RBFOX1: variants seen among roughly 807,000 people sequenced by gnomAD.
RBFOX1 encodes the protein RNA binding protein fox-1 homolog 1.
A neutral mutation model predicts 57.7 loss-of-function variants in RBFOX1; 8 were observed. The ratio of observed to expected loss-of-function variants is 0.14; its 90% CI spans 0.08 to 0.25. The LOEUF (loss-of-function observed/expected upper bound fraction) is 0.25. Ranked by LOEUF, RBFOX1 falls within the 10% of genes least tolerant of loss-of-function variation. The pLI, the probability that RBFOX1 is intolerant of heterozygous loss-of-function variation, is 1.00. For synonymous variants in RBFOX1, 326 were observed against 222.4 expected (o/e 1.47, Z -4.15); for missense variants, 611 against 548.5 (o/e 1.11, Z -1.14).
intron 2 of RBFOX1, among the ~76,000 whole-genome samples, chr16:6,348,265 CA>C (rs2085708313): frequency 6.6e-6 from 1 of 152,092 alleles, no homozygotes; most frequent in African/African-American, 2.4e-5. Flanking sequence ...TAAACTCAGG[CA>C]AATCATTTAG....
chr16:6,102,718 C>G (rs955353529), intron 1 of RBFOX1, among the ~76,000 whole-genome samples: 7 of 152,306 alleles, frequency 4.6e-5, no homozygotes, highest in African/African-American at 1.7e-4. Context: ...GCCTCGATTT[C>G]CAAGTGTGTT....
At chr16:7,060,619 A>C (rs1046679052) in intron 4 of RBFOX1, among the ~76,000 whole-genome samples, 1 of 152,212 alleles carries the variant, frequency 6.6e-6, no homozygotes, top group Admixed American at 6.5e-5. Flanking sequence ...TTCCAACCCT[A>C]ATGACTCAGA....
intron 3 of RBFOX1, among the ~76,000 whole-genome samples, chr16:6,665,234 A>G (rs888907815): frequency 2.0e-5 from 3 of 152,108 alleles, no homozygotes; most frequent in Admixed American, 6.5e-5. Flanking sequence ...ACTTAGCTAT[A>G]AAGGGCGATG....
At chr16:7,310,067 T>C (rs1356041096) in intron 4 of RBFOX1, among the ~76,000 whole-genome samples, 4 of 152,206 alleles carry the variant, frequency 2.6e-5, no homozygotes, top group East Asian at 3.9e-4. Flanking sequence ...CCCAGCCCTA[T>C]TGAGGGCGGC....
chr16:5,485,345 C>CAAAAAAAAAAAA (rs71142624), intron 2 of RBFOX1, among the ~76,000 whole-genome samples: 895 of 51,530 alleles, frequency 0.017, 116 homozygotes, highest in East Asian at 0.04. Context: ...GACTCCGTGT[C>CAAAAAAAAAAAA]AAAAAAAAAA....
At chr16:7,016,416 C>T (rs1019900347) in intron 3 of RBFOX1, among the ~76,000 whole-genome samples, 1 of 152,164 alleles carries the variant, frequency 6.6e-6, no homozygotes, top group Non-Finnish European at 1.5e-5. Context: ...AACTTAAATT[C>T]TGCAGACTGG....
intron 4 of RBFOX1, among the ~76,000 whole-genome samples, chr16:5,929,186 T>G (rs1293684602): frequency 6.6e-6 from 1 of 152,122 alleles, no homozygotes; most frequent in Non-Finnish European, 1.5e-5. Context: ...GGGCATTACC[T>G]CCTGGTGGGC....
At chr16:6,573,151 C>A (rs957565557) in intron 2 of RBFOX1, among the ~76,000 whole-genome samples, 1 of 152,114 alleles carries the variant, frequency 6.6e-6, no homozygotes, top group African/African-American at 2.4e-5. Flanking sequence ...CAGGGTTTCA[C>A]CACTACCAGA....
At chr16:6,821,076 C>G (rs549289778) in intron 3 of RBFOX1, among the ~76,000 whole-genome samples, 30 of 152,164 alleles carry the variant, frequency 2.0e-4, no homozygotes, top group Non-Finnish European at 3.2e-4. Context: ...AGAAACACAT[C>G]TCAGAAATGT....
At chr16:6,930,617 C>A (rs1411118479) in intron 3 of RBFOX1, among the ~76,000 whole-genome samples, 1 of 152,096 alleles carries the variant, frequency 6.6e-6, no homozygotes, top group African/African-American at 2.4e-5. Context: ...ACCATGTTGG[C>A]CAGGCTGGTC....
intron 3 of RBFOX1, among the ~76,000 whole-genome samples, chr16:6,935,040 A>G (rs1051639414): frequency 2.0e-5 from 3 of 152,070 alleles, no homozygotes; most frequent in African/African-American, 7.2e-5. Context: ...GCAGTGAGAC[A>G]AGATCGTTCC....
chr16:5,922,319 G>A (rs1188862012), intron 4 of RBFOX1, among the ~76,000 whole-genome samples: 8 of 152,212 alleles, frequency 5.3e-5, no homozygotes, highest in Non-Finnish European at 1.2e-4. Context: ...TGACTTGAGA[G>A]CTGAGATGTA....
chr16:5,881,899 T>C (rs576243072), intron 4 of RBFOX1, among the ~76,000 whole-genome samples: 10 of 152,312 alleles, frequency 6.6e-5, no homozygotes, highest in African/African-American at 2.4e-4. Flanking sequence ...GGTACTAAAA[T>C]AATAATAATT....
At chr16:7,075,183 A>C (rs551515613) in intron 4 of RBFOX1, among the ~76,000 whole-genome samples, 26 of 152,348 alleles carry the variant, frequency 1.7e-4, no homozygotes, top group African/African-American at 6.3e-4. Flanking sequence ...GCATAGGTAC[A>C]GACTGCAGTG....
intron 3 of RBFOX1, among the ~76,000 whole-genome samples, chr16:5,752,457 A>T (rs560336868): frequency 5.3e-5 from 8 of 152,328 alleles, no homozygotes; most frequent in African/African-American, 1.9e-4. Context: ...AACATTCACT[A>T]TTGAAACAAT....
rs145830720 is a variant in RBFOX1, at chr16:5,717,763, G to T, written c.318+118802G>T. ...CTACCAATAACAATAATTCTTGTTT[G>T]CAAGAAGATTTGGTACTATTCGGAG... On this transcript the variant is annotated intron_variant, in intron 3 of 19. Coordinates refer to the RBFOX1 transcript ENST00000641259. 4.3e-3 allele frequency among the ~76,000 whole-genome samples: 658 copies of T among 152,328 alleles called. 7 individuals are homozygous for T. The highest frequency in any genetic ancestry group is 0.014 in the African/African-American group (600 of 41,584).
intron 11 of RBFOX1, among the ~76,000 whole-genome samples, chr16:7,639,348 T>C (rs1031683858): frequency 5.9e-5 from 9 of 152,212 alleles, no homozygotes; most frequent in Admixed American, 1.3e-4. Context: ...CCTTCTTCTC[T>C]TTTGCTATGG....
chr16:6,801,202 A>G (rs1367440016), intron 3 of RBFOX1, among the ~76,000 whole-genome samples: 1 of 139,220 alleles, frequency 7.2e-6, no homozygotes, highest in Non-Finnish European at 1.5e-5. Context: ...GAACATGCAA[A>G]AAAAAAAAAA....
intron 4 of RBFOX1, among the ~76,000 whole-genome samples, chr16:7,057,249 C>T (rs1033260068): frequency 2.0e-5 from 3 of 152,140 alleles, no homozygotes; most frequent in African/African-American, 7.2e-5. Context: ...AGATAACTCC[C>T]TCTCAGTTAA....
Sources: allele counts gnomAD v4.1 joint callset (sites outside exome capture counted in the v4.1 genomes callset), GRCh38; gene constraint gnomAD v4.1.1; transcripts MANE v1.5; gene names NCBI Gene and HGNC (gene_info 2026-07-23, HGNC 2026-07-21).